PTPRM: variants seen among roughly 807,000 people sequenced by gnomAD.
PTPRM encodes the protein protein tyrosine phosphatase receptor type M.
In PTPRM, 47 loss-of-function variants were observed where a neutral mutation model predicts 186.7. The observed-to-expected ratio is 0.25, with a 90% CI of 0.20 to 0.32. The LOEUF is 0.32. PTPRM is among the 10% of genes least tolerant of loss of function. The pLI is 1.00. For synonymous variants in PTPRM, 668 were observed against 674.9 expected, an observed-to-expected ratio of 0.99 and a Z score of 0.16; for missense variants, 1,494 against 1,865.0, an observed-to-expected ratio of 0.80 and a Z score of 3.66.
intron 11 of PTPRM, among the ~76,000 whole-genome samples, chr18:8,097,272 C>T (rs1458618456): frequency 6.6e-6 from 1 of 152,156 alleles, no homozygotes; most frequent in Admixed American, 6.5e-5. Context: ...TTCAATCAGA[C>T]AGTAGAAAGA....
At chr18:8,182,611 A>G (rs1361381069) in intron 14 of PTPRM, among the ~76,000 whole-genome samples, 1 of 152,206 alleles carries the variant, frequency 6.6e-6, no homozygotes, top group East Asian at 1.9e-4. Context: ...CAAATAGAGA[A>G]TAAACAGGAA....
intron 22 of PTPRM, among the ~76,000 whole-genome samples, chr18:8,334,491 C>T (rs777434166): frequency 6.6e-6 from 1 of 152,228 alleles, no homozygotes; most frequent in Non-Finnish European, 1.5e-5. Flanking sequence ...CCCAGGCTCT[C>T]CCTGTGCTGA....
intron 2 of PTPRM, among the ~76,000 whole-genome samples, chr18:7,871,113 C>G (rs1284269854): frequency 6.6e-6 from 1 of 152,172 alleles, no homozygotes; most frequent in African/African-American, 2.4e-5. Flanking sequence ...TCCTAGAAAG[C>G]CATAATGTGA....
intron 7 of PTPRM, among the ~76,000 whole-genome samples, chr18:8,001,106 G>A (rs1390308107): frequency 6.6e-5 from 10 of 152,114 alleles, no homozygotes; most frequent in Non-Finnish European, 1.5e-4. Flanking sequence ...AGGAGAGCAG[G>A]GTAACATGCT....
At position 8,221,357 on chromosome 18, in the gene PTPRM, C is replaced by T. The variant is rs117717693; in HGVS notation, c.2301-22701C>T. On this transcript the variant is annotated intron_variant, in intron 14 of 32. Coordinates refer to ENST00000580170, the MANE Select transcript of PTPRM (RefSeq NM_001105244.2). ...CATTGTCACCCTGCATCCCAAGTAC[C>T]TAGCCCAGTGCTGAGCTCACAGGGG... 7.2e-4 allele frequency among the ~76,000 whole-genome samples: 110 copies of T among 152,282 alleles called. 1 individual carries two copies. The East Asian group carries it at 0.016, about 22-fold the overall frequency.
rs1009297246 is a variant in PTPRM at position 8,003,284 on chromosome 18, G to T, written c.1132+47870G>T. The stretch of plus-strand genomic sequence containing the variant: ...CCTGCACAAGCTCCCTCTTGCCTAC[G>T]GCGACATAAGACAAGAAGTGCCTTT... On this transcript the variant is annotated intron_variant, in intron 7 of 32. Coordinates refer to ENST00000580170, the MANE Select transcript of PTPRM (RefSeq NM_001105244.2). 2.0e-5 allele frequency among the ~76,000 whole-genome samples: 3 copies of T among 152,150 alleles called. No homozygotes were observed. The South Asian group carries it at 6.2e-4, about 32-fold the overall frequency.
At chr18:7,792,667 G>A (rs1309448824) in intron 2 of PTPRM, among the ~76,000 whole-genome samples, 1 of 151,924 alleles carries the variant, frequency 6.6e-6, no homozygotes, top group Non-Finnish European at 1.5e-5. Context: ...TTGTTTGTTT[G>A]TTTTTGCTTT....
chr18:8,208,463 G>GCT, intron 14 of PTPRM, among the ~76,000 whole-genome samples: 2 of 152,030 alleles, frequency 1.3e-5, no homozygotes, highest in Admixed American at 1.3e-4. Flanking sequence ...AAGCTGGGAA[G>GCT]GTAGATAAGG....
At chr18:7,802,685 T>A (rs2044034299) in intron 2 of PTPRM, among the ~76,000 whole-genome samples, 1 of 152,248 alleles carries the variant, frequency 6.6e-6, no homozygotes, top group African/African-American at 2.4e-5. Flanking sequence ...TGGAATCCGA[T>A]TTCCTAGTAA....
intron 2 of PTPRM, among the ~76,000 whole-genome samples, chr18:7,866,088 A>G (rs1156855460): frequency 6.6e-6 from 1 of 151,920 alleles, no homozygotes; most frequent in Non-Finnish European, 1.5e-5. Flanking sequence ...CTCCTTCATT[A>G]ATCTGGCTAA....
chr18:7,645,120 C>G (rs2038531814), intron 1 of PTPRM, among the ~76,000 whole-genome samples: 1 of 152,034 alleles, frequency 6.6e-6, no homozygotes, highest in South Asian at 2.1e-4. Flanking sequence ...CCCTAAAACT[C>G]TACAAAATTT....
At chr18:8,287,335 G>A (rs2094967950) in intron 19 of PTPRM, among the ~76,000 whole-genome samples, 1 of 152,198 alleles carries the variant, frequency 6.6e-6, no homozygotes, top group Admixed American at 6.5e-5. Context: ...GCTGCATGCT[G>A]GGTGTGTCAC....
intron 1 of PTPRM, among the ~76,000 whole-genome samples, chr18:7,588,931 C>G (rs2037052374): frequency 6.6e-6 from 1 of 152,162 alleles, no homozygotes; most frequent in African/African-American, 2.4e-5. Context: ...CTCACTGCAA[C>G]CTCAACCTAC....
intron 19 of PTPRM, among the ~76,000 whole-genome samples, chr18:8,270,702 G>A (rs1263087581): frequency 6.6e-6 from 1 of 152,150 alleles, no homozygotes; most frequent in African/African-American, 2.4e-5. Flanking sequence ...CCTGCCATTT[G>A]CAGCAACATG....
intron 18 of PTPRM, 52 bp downstream of exon 18, chr18:8,252,551 G>A: frequency 6.6e-7 from 1 of 1,508,806 alleles, no homozygotes; most frequent in Non-Finnish European, 9.2e-7. Context: ...GTGGGAGTGT[G>A]TGTCTTACTG....
chr18:8,174,267 G>A (rs1489142169), intron 14 of PTPRM, among the ~76,000 whole-genome samples: 4 of 152,122 alleles, frequency 2.6e-5, no homozygotes, highest in Non-Finnish European at 5.9e-5. Context: ...TTGGGGAAGG[G>A]TTATTATCAT....
At chr18:7,759,368 T>C (rs954760229) in intron 1 of PTPRM, among the ~76,000 whole-genome samples, 23 of 152,176 alleles carry the variant, frequency 1.5e-4, no homozygotes, top group Non-Finnish European at 1.3e-4. Context: ...AAACCAAATA[T>C]ATGGTGACAC....
At chr18:7,676,821 C>G (rs532846788) in intron 1 of PTPRM, among the ~76,000 whole-genome samples, 1 of 152,270 alleles carries the variant, frequency 6.6e-6, no homozygotes, top group African/African-American at 2.4e-5. Context: ...AACAATATAA[C>G]AGATGTTTTT....
intron 1 of PTPRM, among the ~76,000 whole-genome samples, chr18:7,656,015 C>T (rs1169874112): frequency 6.6e-6 from 1 of 152,124 alleles, no homozygotes; most frequent in Non-Finnish European, 1.5e-5. Context: ...AACAGTATGG[C>T]AGTTCCTCAA....
Sources: gnomAD v4.1 joint callset for allele counts (sites outside exome capture counted in the v4.1 genomes callset) on GRCh38, gnomAD v4.1.1 for gene constraint, MANE v1.5 for transcripts, NCBI Gene and HGNC (gene_info 2026-07-23, HGNC 2026-07-21) for gene names.